The following ANKS1B variants were observed in gnomAD, a reference collection of about 807,000 sequenced individuals.
ANKS1B encodes the protein ankyrin repeat and sterile alpha motif domain containing 1B.
ANKS1B carries 36 observed loss-of-function variants against 148.3 expected under a neutral mutation model. The observed-to-expected ratio is 0.24, with a 90% CI of 0.19 to 0.32. The LOEUF is 0.32. Ranked by LOEUF, ANKS1B falls within the 10% of genes least tolerant of loss-of-function variation. The pLI, the probability that ANKS1B is intolerant of heterozygous loss-of-function variation, is 1.00. For missense variants in ANKS1B, 1,157 were observed against 1,542.6 expected (o/e 0.75, Z 4.19); for synonymous variants, 542 against 560.8 (o/e 0.97, Z 0.47).
intron 14 of ANKS1B, among the ~76,000 whole-genome samples, chr12:99,209,916 C>G (rs948883515): frequency 6.6e-6 from 1 of 152,102 alleles, no homozygotes; most frequent in Non-Finnish European, 1.5e-5. Flanking sequence ...CCAAGATAAC[C>G]TCCCCTCTGA....
intron 9 of ANKS1B, among the ~76,000 whole-genome samples, chr12:98,736,528 C>T (rs1011536120): frequency 2.6e-5 from 4 of 152,100 alleles, no homozygotes; most frequent in East Asian, 1.9e-4. Flanking sequence ...GCTGAGTAGG[C>T]GGGATGCAAG....
intron 1 of ANKS1B, among the ~76,000 whole-genome samples, chr12:99,965,511 C>T (rs187401617): frequency 6.6e-6 from 1 of 152,298 alleles, no homozygotes; most frequent in Non-Finnish European, 1.5e-5. Context: ...TTGACAACCA[C>T]CATCATAAGC....
intron 1 of ANKS1B, among the ~76,000 whole-genome samples, chr12:99,922,800 A>C: frequency 6.6e-6 from 1 of 151,946 alleles, no homozygotes; most frequent in South Asian, 2.1e-4. Flanking sequence ...AATGACATTA[A>C]GGTAGGAATG....
chr12:99,848,127 T>C (rs1276112768), intron 1 of ANKS1B, among the ~76,000 whole-genome samples: 2 of 152,110 alleles, frequency 1.3e-5, no homozygotes, highest in East Asian at 3.9e-4. Flanking sequence ...GAAGAGAGCC[T>C]GAGGCTGACT....
chr12:98,747,602 G>A (rs778619712), intron 26 of ANKS1B, among the ~76,000 whole-genome samples: 30 of 152,132 alleles, frequency 2.0e-4, no homozygotes, highest in Non-Finnish European at 3.5e-4. Flanking sequence ...CCCCACTACT[G>A]CGTATATATA....
intron 15 of ANKS1B, among the ~76,000 whole-genome samples, chr12:99,126,984 T>TA (rs150492153): frequency 3.9e-5 from 6 of 151,938 alleles, no homozygotes; most frequent in Admixed American, 6.6e-5. Context: ...ACCTTGAATT[T>TA]AAAAAAAACT....
chr12:99,715,766 C>G (rs1011101646), intron 8 of ANKS1B, among the ~76,000 whole-genome samples: 7 of 152,210 alleles, frequency 4.6e-5, no homozygotes, highest in Non-Finnish European at 7.3e-5. Flanking sequence ...TCTTCTTACT[C>G]TCTTCTCCAA....
intron 10 of ANKS1B, among the ~76,000 whole-genome samples, chr12:99,490,121 T>C (rs1233451054): frequency 6.6e-6 from 1 of 152,228 alleles, no homozygotes; most frequent in African/African-American, 2.4e-5. Flanking sequence ...ATGTCTTTGT[T>C]GTCTTTGTGT....
At chr12:98,851,742 A>G (rs983484699) in intron 17 of ANKS1B, among the ~76,000 whole-genome samples, 10 of 152,110 alleles carry the variant, frequency 6.6e-5, no homozygotes, top group African/African-American at 2.4e-4. Context: ...CCAAGGTTTT[A>G]AAGAAGGGAA....
intron 16 of ANKS1B, among the ~76,000 whole-genome samples, chr12:99,064,907 C>A (rs1422509452): frequency 6.6e-6 from 1 of 152,108 alleles, no homozygotes; most frequent in East Asian, 1.9e-4. Flanking sequence ...CTTTTCATTT[C>A]TAAAATTCTT....
At chr12:99,129,818 C>T (rs1045499296) in intron 15 of ANKS1B, among the ~76,000 whole-genome samples, 3 of 152,162 alleles carry the variant, frequency 2.0e-5, no homozygotes, top group Admixed American at 1.3e-4. Flanking sequence ...ATCTCTTCAA[C>T]ATTTGAAAAG....
intron 17 of ANKS1B, among the ~76,000 whole-genome samples, chr12:98,993,709 T>G (rs531546525): frequency 6.6e-6 from 1 of 152,340 alleles, no homozygotes; most frequent in Non-Finnish European, 1.5e-5. Context: ...ATTTTGGTAA[T>G]TAAGGAGTCA....
chr12:99,557,750 T>C (rs2097292625), intron 9 of ANKS1B, among the ~76,000 whole-genome samples: 1 of 152,220 alleles, frequency 6.6e-6, no homozygotes, highest in Non-Finnish European at 1.5e-5. Flanking sequence ...GCTTTTCAAG[T>C]TGCCAGAGTT....
At chr12:99,148,542 G>T (rs570817912) in intron 15 of ANKS1B, among the ~76,000 whole-genome samples, 1 of 152,126 alleles carries the variant, frequency 6.6e-6, no homozygotes, top group Non-Finnish European at 1.5e-5. Context: ...AGAACAATTA[G>T]TAGCTCTGCC....
intron 11 of ANKS1B, among the ~76,000 whole-genome samples, chr12:99,433,183 T>G (rs2095407432): frequency 6.6e-6 from 1 of 152,154 alleles, no homozygotes; most frequent in South Asian, 2.1e-4. Context: ...TTGAACTTTT[T>G]GGTCTCAAGA....
intron 17 of ANKS1B, among the ~76,000 whole-genome samples, chr12:98,996,609 T>C (rs894610007): frequency 6.6e-6 from 1 of 151,772 alleles, no homozygotes; most frequent in African/African-American, 2.4e-5. Context: ...GGTCAGGAGA[T>C]CCAGACCATC....
intron 22 of ANKS1B, among the ~76,000 whole-genome samples, chr12:98,792,299 G>T (rs577071762): frequency 5.3e-5 from 8 of 152,094 alleles, no homozygotes; most frequent in African/African-American, 1.9e-4. Context: ...TTTTTGGGGA[G>T]GATTATTTTT....
At chr12:99,030,033 C>A (rs11109705) in intron 17 of ANKS1B, among the ~76,000 whole-genome samples, 46,800 of 152,210 alleles carry the variant, frequency 0.31, 8,237 homozygotes, top group African/African-American at 0.48. Context: ...GGAACAGTCA[C>A]GAAACCATAA....
At position 99,246,698 on chromosome 12, in the gene ANKS1B, C is replaced by T; in HGVS notation, c.1923G>A (p.Leu641=). 6.2e-7 allele frequency: 1 copy of T among 1,613,890 alleles called. No individual in the cohort carries two copies. Among genetic ancestry groups the T allele is most frequent in the South Asian group, 1.1e-5 (1 of 91,072 alleles). Residue 641 remains leucine, a synonymous_variant, in exon 13 of 27, where the codon TTG becomes TTA. Coordinates refer to ENST00000683438, the MANE Select transcript of ANKS1B (RefSeq NM_001352186.2). ...GCTTGAAAGGCAAAGGACTGTTTGC[C>T]AAACTGACTTCATCTTGTCCTTTTT... ...QCEKGQDEVS[L]ANSPLPFKQS...
Sources: gnomAD v4.1 joint callset for allele counts (sites outside exome capture counted in the v4.1 genomes callset) on GRCh38, gnomAD v4.1.1 for gene constraint, MANE v1.5 for transcripts, NCBI Gene and HGNC (gene_info 2026-07-23, HGNC 2026-07-21) for gene names.